The following CDK5RAP2 variants were observed in gnomAD, a reference collection of about 807,000 sequenced individuals.
CDK5RAP2 encodes the protein CDK5 regulatory subunit associated protein 2, also known as CDK5 regulatory subunit-associated protein 2.
Under a neutral mutation model 232.9 loss-of-function variants are expected in CDK5RAP2, and 147 were observed. The observed-to-expected ratio is 0.63, with a 90% CI of 0.55 to 0.72. CDK5RAP2 has a LOEUF of 0.72. CDK5RAP2 is among the 30% of genes least tolerant of loss of function. CDK5RAP2 has a pLI of 0.00. For missense variants in CDK5RAP2, 2,195 were observed against 2,231.5 expected, an observed-to-expected ratio of 0.98 and a Z score of 0.33; for synonymous variants, 833 against 833.7, an observed-to-expected ratio of 1.00 and a Z score of 0.01.
At chr9:120,469,090 T>C (rs1243690773) in intron 17 of CDK5RAP2, among the ~76,000 whole-genome samples, 1 of 152,172 alleles carries the variant, frequency 6.6e-6, no homozygotes, top group Non-Finnish European at 1.5e-5. Context: ...ATTTTCTTCA[T>C]CTTTAAAAAC....
intron 25 of CDK5RAP2, among the ~76,000 whole-genome samples, chr9:120,432,651 T>C (rs1356311796): frequency 2.0e-5 from 3 of 152,326 alleles, no homozygotes; most frequent in Admixed American, 6.5e-5. Flanking sequence ...TCAAGTTCTA[T>C]GTTTGTGTTA....
At chr9:120,515,007 A>G (rs1271797389) in intron 12 of CDK5RAP2, among the ~76,000 whole-genome samples, 2 of 152,210 alleles carry the variant, frequency 1.3e-5, no homozygotes, top group Non-Finnish European at 2.9e-5. Flanking sequence ...AAATGATTAC[A>G]AAGACTAAGT....
intron 12 of CDK5RAP2, among the ~76,000 whole-genome samples, chr9:120,512,244 G>A (rs1216653794): frequency 6.6e-6 from 1 of 152,190 alleles, no homozygotes; most frequent in African/African-American, 2.4e-5. Flanking sequence ...AGCTACTCAG[G>A]AGGCTGAGTC....
chr9:120,413,593 T>G (rs138127853), intron 28 of CDK5RAP2, among the ~76,000 whole-genome samples: 48 of 152,312 alleles, frequency 3.2e-4, no homozygotes, highest in Admixed American at 3.9e-4. Context: ...TCTGCTCCAT[T>G]GTAGCTGGTG....
intron 7 of CDK5RAP2, 51 bp from the exon 8 acceptor site, chr9:120,530,191 A>C (rs1280577089): frequency 6.9e-7 from 1 of 1,439,752 alleles, no homozygotes; most frequent in Non-Finnish European, 9.7e-7. Context: ...CTCTTAGCTC[A>C]GTGGAGCTGG....
At chr9:120,499,655 C>T (rs1272144724) in intron 12 of CDK5RAP2, among the ~76,000 whole-genome samples, 8 of 151,910 alleles carry the variant, frequency 5.3e-5, no homozygotes, top group Non-Finnish European at 1.2e-4. Flanking sequence ...TTATAAATGG[C>T]AGTAAATAGA....
chr9:120,418,546 T>C (rs910399200), intron 27 of CDK5RAP2, among the ~76,000 whole-genome samples: 4 of 152,140 alleles, frequency 2.6e-5, no homozygotes, highest in Non-Finnish European at 5.9e-5. Flanking sequence ...ACTGAATGGA[T>C]ACAATACAGA....
At chr9:120,447,450 G>A (rs1564230116) in intron 22 of CDK5RAP2, among the ~76,000 whole-genome samples, 1 of 152,212 alleles carries the variant, frequency 6.6e-6, no homozygotes, top group Non-Finnish European at 1.5e-5. Flanking sequence ...AGAGGGTGGG[G>A]AAGTGGGTTA....
intron 12 of CDK5RAP2, among the ~76,000 whole-genome samples, chr9:120,496,710 C>T (rs538848138): frequency 7.7e-6 from 1 of 130,478 alleles, no homozygotes; most frequent in Non-Finnish European, 1.6e-5. Flanking sequence ...CCCTGCCCGG[C>T]CAGCCGCCCC....
chr9:120,491,449 CG>C lies in CDK5RAP2; in HGVS notation c.1339del (p.Arg447AlafsTer4). On this transcript the variant is annotated frameshift_variant, in exon 13 of 38. Transcript: ENST00000349780. LOFTEE classifies it high-confidence loss of function. The part of the protein sequence containing the change: ...RDLRNEVEKL[R>X]NEVNEREKAM... ...TTTCTCTCTTTCATTCACTTCATTG[CG>C]TAATTTTTCAACTTCATTTCTAAGA... 6.2e-7 allele frequency: 1 copy of C among 1,611,216 alleles called. No homozygotes were observed. The highest frequency in any genetic ancestry group is 8.5e-7 in the Non-Finnish European group (1 of 1,178,842).
At chr9:120,563,795 C>T (rs1277652376) in intron 3 of CDK5RAP2, among the ~76,000 whole-genome samples, 1 of 152,204 alleles carries the variant, frequency 6.6e-6, no homozygotes, top group Admixed American at 6.5e-5. Context: ...CAGTAAGTAA[C>T]TCACAAACAT....
At chr9:120,515,884 G>A (rs368060527) in intron 12 of CDK5RAP2, among the ~76,000 whole-genome samples, 127 of 152,352 alleles carry the variant, frequency 8.3e-4, no homozygotes, top group Middle Eastern at 3.4e-3. Context: ...TGCTGGAGAG[G>A]ATGTGGAGAA....
chr9:120,397,605 T>A lies in CDK5RAP2; in HGVS notation c.5452-2967A>T, dbSNP rs970148559. Among the ~76,000 whole-genome samples, 5 of 141,500 alleles carry A rather than the reference T, an allele frequency of 3.5e-5. 1 individual carries two copies. Among genetic ancestry groups the A allele is most frequent in the South Asian group, 4.5e-4 (2 of 4,464 alleles). The allele number at this position is 141,500 out of a possible 152,430, so 92.8% of individuals were successfully genotyped here. On this transcript the variant is annotated intron_variant, in intron 35 of 37. Coordinates refer to ENST00000349780, the MANE Select transcript of CDK5RAP2 (RefSeq NM_018249.6). ...AAAAAAGCCCAACACAGTATCATTA[T>A]GACACCTTAAAAAAAAAGGCAGTAA...
chr9:120,571,920 A>G (rs1250379276), intron 2 of CDK5RAP2, 54 bp downstream of exon 2: 20 of 1,390,282 alleles, frequency 1.4e-5, no homozygotes, highest in Non-Finnish European at 1.7e-5. Flanking sequence ...TCACAGTCCA[A>G]TGTCTACTTT....
intron 12 of CDK5RAP2, among the ~76,000 whole-genome samples, chr9:120,511,399 A>G (rs1435060294): frequency 1.3e-5 from 2 of 152,218 alleles, no homozygotes; most frequent in Non-Finnish European, 2.9e-5. Context: ...GAATAATGGG[A>G]AACAGCTAGA....
intron 25 of CDK5RAP2, among the ~76,000 whole-genome samples, chr9:120,429,788 G>A (rs2035161349): frequency 6.6e-6 from 1 of 152,160 alleles, no homozygotes; most frequent in Non-Finnish European, 1.5e-5. Context: ...CCAAAAAAGA[G>A]CCCGCATCGC....
At chr9:120,491,206 G>A in intron 13 of CDK5RAP2, 101 bp downstream of exon 13, 1 of 899,740 alleles carries the variant, frequency 1.1e-6, no homozygotes, top group East Asian at 2.6e-5. Context: ...CTGAAACATA[G>A]CAATGATTAC....
intron 21 of CDK5RAP2, among the ~76,000 whole-genome samples, chr9:120,448,351 C>A (rs2036307537): frequency 6.6e-6 from 1 of 152,224 alleles, no homozygotes; most frequent in South Asian, 2.1e-4. Context: ...ACCCTCCTGG[C>A]CCTGGCCTAT....
At chr9:120,543,656 C>T (rs899471512) in intron 5 of CDK5RAP2, among the ~76,000 whole-genome samples, 1 of 152,052 alleles carries the variant, frequency 6.6e-6, no homozygotes, top group Non-Finnish European at 1.5e-5. Context: ...GCCAGGGGTT[C>T]GAGACCAGCC....
Sources: gnomAD v4.1 joint callset for allele counts (sites outside exome capture counted in the v4.1 genomes callset) on GRCh38, gnomAD v4.1.1 for gene constraint, MANE v1.5 for transcripts, NCBI Gene and HGNC (gene_info 2026-07-23, HGNC 2026-07-21) for gene names.